The following PLEKHG4B variants were observed in gnomAD, a reference collection of about 807,000 sequenced individuals.
The protein encoded by PLEKHG4B is pleckstrin homology domain-containing family G member 4B.
PLEKHG4B carries 111 observed loss-of-function variants against 121.3 expected under a neutral mutation model. The observed-to-expected ratio is 0.92, with a 90% CI of 0.78 to 1.07. The LOEUF is 1.07. Among genes scored for constraint, PLEKHG4B ranks in the 50% least tolerant of loss-of-function variants. The pLI is 0.00. For missense variants in PLEKHG4B, 1,831 were observed against 1,757.8 expected (o/e 1.04, Z -0.74); for synonymous variants, 738 against 725.0 (o/e 1.02, Z -0.29).
chr5:173,909 T>G lies in PLEKHG4B; in HGVS notation c.4222-9T>G. 6 of 1,612,328 alleles carry G rather than the reference T, an allele frequency of 3.7e-6. No homozygotes were observed. The highest frequency in any genetic ancestry group is 1.3e-5 in the African/African-American group (1 of 75,012). ...TGATGGTGCTGCAATGGGTGTTTGC[T>G]GACTGCAGACGGCCGAGATCGGGAT... On this transcript the variant is annotated splice_polypyrimidine_tract_variant and intron_variant, in intron 17 of 19. Transcript: ENST00000637938.
At chr5:163,872 C>T (rs185083466) in intron 13 of PLEKHG4B, among the ~76,000 whole-genome samples, 5 of 152,322 alleles carry the variant, frequency 3.3e-5, no homozygotes, top group East Asian at 1.9e-4. Context: ...AAATCAACCC[C>T]GACACCAAGA....
chr5:104,367 T>C (rs1266231630), intron 1 of PLEKHG4B, among the ~76,000 whole-genome samples: 1 of 152,170 alleles, frequency 6.6e-6, no homozygotes, highest in Non-Finnish European at 1.5e-5. Context: ...CAGAAAAAAC[T>C]CAACACTCTT....
intron 6 of PLEKHG4B, among the ~76,000 whole-genome samples, chr5:149,051 A>G (rs1323241368): frequency 6.6e-6 from 1 of 152,192 alleles, no homozygotes; most frequent in Non-Finnish European, 1.5e-5. Context: ...TTACCTAAAC[A>G]CCATATAAAA....
chr5:163,523 G>A lies in PLEKHG4B; in HGVS notation c.3451G>A (p.Glu1151Lys), dbSNP rs1175297033. 4 of 1,604,666 alleles carry A rather than the reference G, an allele frequency of 2.5e-6. No homozygotes were observed. The Admixed American group carries it at 5.1e-5, about 20-fold the overall frequency. ...CCCCTCGGGGCTCCACCCTGCTGAGGAGGATGGGAGGCAGCAGGTGGGCAG... is the reference window on the plus strand; with the variant it reads ...CCCCTCGGGGCTCCACCCTGCTGAGAAGGATGGGAGGCAGCAGGTGGGCAG... ...SSPSGLHPAE[E>K]DGRQQVGSSR... Residue 1151 changes from glutamate (E) to lysine (K), a missense_variant, in exon 13 of 20, where the codon GAG becomes AAG. Transcript: ENST00000637938.
At chr5:164,881 C>CAG (rs1326058928) in intron 13 of PLEKHG4B, among the ~76,000 whole-genome samples, 2 of 71,666 alleles carry the variant, frequency 2.8e-5, no homozygotes, top group African/African-American at 5.3e-5. Context: ...AATGCTCTGA[C>CAG]GGGGCGGAGC....
intron 12 of PLEKHG4B, 87 bp downstream of exon 12, chr5:162,031 G>T: frequency 1.4e-6 from 2 of 1,466,530 alleles, no homozygotes; most frequent in Non-Finnish European, 1.8e-6. Context: ...ACAAGCTGGA[G>T]TGGGCCAGGC....
rs373312469 is a variant in PLEKHG4B, at chr5:140,566, G to A, written c.1327G>A (p.Ala443Thr). 3.7e-6 allele frequency: 6 copies of A among 1,607,826 alleles called. No individual in the cohort carries two copies. The highest frequency in any genetic ancestry group is 5.1e-6 in the Non-Finnish European group (6 of 1,177,770). The change falls in exon 3 of 20, where the codon GCA (alanine) becomes ACA (threonine). Residue 443 changes from alanine to threonine, a missense_variant. Transcript: ENST00000637938. ...LPRRSRSWER[A>T]PRSSRGAQAA... ...CAGGAGATCTCGGTCCTGGGAAAGG[G>A]CACCCAGAAGCTCCAGAGGGGCCCA... is the stretch of plus-strand genomic sequence containing the variant.
chr5:181,065 GA>G (rs1313561350), intron 18 of PLEKHG4B, among the ~76,000 whole-genome samples: 1 of 152,142 alleles, frequency 6.6e-6, no homozygotes, highest in Admixed American at 6.5e-5. Context: ...ATTTGACCAA[GA>G]ATAAGTTCAT....
intron 2 of PLEKHG4B, among the ~76,000 whole-genome samples, chr5:129,216 T>G (rs1734707291): frequency 6.6e-6 from 1 of 152,232 alleles, no homozygotes; most frequent in South Asian, 2.1e-4. Flanking sequence ...GTCTGACACC[T>G]TTTAAGGTAC....
At chr5:119,951 A>C (rs953368584) in intron 2 of PLEKHG4B, among the ~76,000 whole-genome samples, 1 of 152,196 alleles carries the variant, frequency 6.6e-6, no homozygotes, top group African/African-American at 2.4e-5. Context: ...TCAGAATCTC[A>C]TAGTCACATG....
rs1445968254 is a variant in PLEKHG4B, at chr5:162,719, C to T, written c.2650-3C>T. ...ACTGAGCAGAGCCCTCCTTGTCCCA[C>T]AGGTGAGCAGCTGGATGGGGCCCCT... On this transcript the variant is annotated splice_region_variant and splice_polypyrimidine_tract_variant and intron_variant, in intron 12 of 19. Transcript: ENST00000637938. 4.1e-6 allele frequency: 6 copies of T among 1,448,578 alleles called. No individual in the cohort carries two copies. In the South Asian group the frequency reaches 9.0e-5, roughly 22 times the overall value. 89.7% of individuals were successfully genotyped at this position (1,448,578 alleles called of 1,614,324 possible). A position where few individuals can be genotyped will look rare whatever the true frequency, so the allele number is the denominator to read the frequency against.
rs757672041 is a variant in PLEKHG4B at position 163,198 on chromosome 5, C to A, written c.3126C>A (p.Gly1042=). 1.9e-6 allele frequency: 3 copies of A among 1,587,172 alleles called. No individual in the cohort carries two copies. In the South Asian group the frequency reaches 3.5e-5, roughly 19 times the overall value. ...GGGACCCACTGTCCCTCCTCAGGGG[C>A]CTTCCAGGGGCAGGGGCCACCACGG... ...ALWDPLSLLR[G]LPGAGATTAH... is the part of the protein sequence containing the mutation. The change falls in exon 13 of 20, where the codon GGC becomes GGA. Residue 1042 remains glycine (G), a synonymous_variant. Coordinates refer to ENST00000637938, the MANE Select transcript of PLEKHG4B (RefSeq NM_052909.5).
In PLEKHG4B at chr5:155,335, C is replaced by T; in HGVS notation, c.2110-10C>T. On this transcript the variant is annotated splice_polypyrimidine_tract_variant and intron_variant, in intron 8 of 19. Coordinates refer to ENST00000637938, the MANE Select transcript of PLEKHG4B (RefSeq NM_052909.5). Reference sequence around the variant, plus strand: ...GTTCTTATAATCTCCTCCCTCTCAACTCACAACAGAGGCTGGAACACTTCG... The same window carrying T: ...GTTCTTATAATCTCCTCCCTCTCAATTCACAACAGAGGCTGGAACACTTCG... 6.2e-7 allele frequency: 1 copy of T among 1,610,662 alleles called. No individual in the cohort carries two copies. Among genetic ancestry groups the T allele is most frequent in the Non-Finnish European group, 8.5e-7 (1 of 1,176,816 alleles).
chr5:145,643 G>A (rs566717076), intron 6 of PLEKHG4B, among the ~76,000 whole-genome samples: 2 of 152,354 alleles, frequency 1.3e-5, no homozygotes, highest in South Asian at 4.1e-4. Context: ...ACAGGCATGA[G>A]CCACTGTGTG....
In PLEKHG4B at chr5:136,340, T is replaced by C. The variant is rs143731862; in HGVS notation, c.244-3143T>C. Among the ~76,000 whole-genome samples the C allele has an allele frequency of 5.9e-5, 9 of 152,230 alleles. No homozygotes were observed. In the East Asian group the frequency reaches 1.7e-3, roughly 29 times the overall value. ...GGCTTCATCCAATGTTTTAAAAGGG[T>C]ACTATTGCATAAAAAGGGCCTTATT... On this transcript the variant is annotated intron_variant, in intron 2 of 19. Coordinates refer to ENST00000637938, the MANE Select transcript of PLEKHG4B (RefSeq NM_052909.5).
chr5:121,612 G>A (rs1280132185), intron 2 of PLEKHG4B, among the ~76,000 whole-genome samples: 1 of 152,124 alleles, frequency 6.6e-6, no homozygotes, highest in Non-Finnish European at 1.5e-5. Context: ...CCTGACAGAG[G>A]AAGGAGGCAA....
Position 173,082 on chromosome 5 carries a change from G to A in PLEKHG4B, c.4221+15G>A, listed in dbSNP as rs371725503. Reference sequence around the variant, plus strand: ...AGTCCTTCAAGGTAGCACCCGCCCGGTCCGATTGGGTGCAGGCCGAGCCAG... The same window carrying A: ...AGTCCTTCAAGGTAGCACCCGCCCGATCCGATTGGGTGCAGGCCGAGCCAG... On this transcript the variant is annotated intron_variant, in intron 17 of 19. Coordinates refer to ENST00000637938, the MANE Select transcript of PLEKHG4B (RefSeq NM_052909.5). 2.0e-5 allele frequency: 33 copies of A among 1,612,200 alleles called. 1 individual carries two copies. Among genetic ancestry groups the A allele is most frequent in the Non-Finnish European group, 2.6e-5 (31 of 1,178,556 alleles).
intron 2 of PLEKHG4B, among the ~76,000 whole-genome samples, chr5:134,591 CCTT>C (rs1734892395): frequency 6.6e-6 from 1 of 151,280 alleles, no homozygotes; most frequent in African/African-American, 2.4e-5. Flanking sequence ...TGTAGTGAAA[CCTT>C]CTCTCTACTA....
rs1448648716 is a variant in PLEKHG4B at position 143,334 on chromosome 5, T to C, written c.1688-46T>C. 2.5e-6 allele frequency: 4 copies of C among 1,607,936 alleles called. No homozygotes were observed. In the African/African-American group the frequency reaches 5.3e-5, roughly 21 times the overall value. ...ACAGCACAGACCCAGCTCACCACCT[T>C]GTAGGAGTGAAGCCCTTGGCAGCTG... On this transcript the variant is annotated intron_variant, in intron 4 of 19. Transcript: ENST00000637938.
Sources: allele counts gnomAD v4.1 joint callset (sites outside exome capture counted in the v4.1 genomes callset), GRCh38; gene constraint gnomAD v4.1.1; transcripts MANE v1.5; gene names NCBI Gene and HGNC (gene_info 2026-07-23, HGNC 2026-07-21).